The following RNF123 variants were observed in gnomAD, a reference collection of about 807,000 sequenced individuals.
RNF123 encodes the protein E3 ubiquitin-protein ligase RNF123.
RNF123 carries 86 observed loss-of-function variants against 168.5 expected under a neutral mutation model. That is an observed-to-expected ratio of 0.51 (90% CI 0.43 to 0.61). The LOEUF is 0.61. Among genes scored for constraint, RNF123 ranks in the 20% least tolerant of loss-of-function variants. RNF123 has a pLI of 0.00. For missense variants in RNF123, 1,419 were observed against 1,729.7 expected (o/e 0.82, Z 3.19); for synonymous variants, 666 against 689.1 (o/e 0.97, Z 0.52).
chr3:49,698,418 C>A, intron 7 of RNF123, 22 bp from the exon 8 acceptor site: 1 of 1,606,762 alleles, frequency 6.2e-7, no homozygotes, highest in Non-Finnish European at 8.5e-7. Context: ...CACCAGGGAC[C>A]TCATAGGCAT....
At chr3:49,694,852 ACTG>A (rs546752469) in intron 3 of RNF123, among the ~76,000 whole-genome samples, 2 of 150,518 alleles carry the variant, frequency 1.3e-5, no homozygotes, top group African/African-American at 2.4e-5. Context: ...AGATGGTCCT[ACTG>A]CTGCTGCTGC....
At position 49,706,680 on chromosome 3, in the gene RNF123, C is replaced by G. The variant is rs1007462468; in HGVS notation, c.2389-111C>G. On this transcript the variant is annotated intron_variant, in intron 25 of 38. Coordinates refer to ENST00000327697, the MANE Select transcript of RNF123 (RefSeq NM_022064.5). The stretch of plus-strand genomic sequence containing the variant: ...AAGGTTTTGAAAAATGGAGCCCAAT[C>G]CCTTGCCTGCTCCAGGCACTAGAGG... 13 of 897,094 alleles carry G rather than the reference C, an allele frequency of 1.4e-5. No individual in the cohort carries two copies. In the African/African-American group the frequency reaches 2.0e-4, roughly 14 times the overall value. The allele number at this position is 897,094 out of a possible 1,614,324, so 55.6% of individuals were successfully genotyped here. A position where few individuals can be genotyped will look rare whatever the true frequency, so the allele number is the denominator to read the frequency against.
rs561499874 is a variant in RNF123, at chr3:49,699,227, G to C, written c.764+122G>C. On this transcript the variant is annotated intron_variant, in intron 10 of 38. Coordinates refer to ENST00000327697, the MANE Select transcript of RNF123 (RefSeq NM_022064.5). This position sits in a 1 kb window ranked among gnomAD's most constrained non-coding sequence, Gnocchi z 4.8. ...AGGCCCTGGCTGCTGCAGAGTTAGT[G>C]GGGGGCCATGTAGAGTGTCGAAGAA... The C allele has an allele frequency of 3.5e-5, 48 of 1,355,434 alleles. No homozygotes were observed. Among genetic ancestry groups the C allele is most frequent in the Non-Finnish European group, 4.0e-6 (4 of 997,806 alleles). The allele number at this position is 1,355,434 out of a possible 1,614,324, so 84.0% of individuals were successfully genotyped here.
At chr3:49,718,657 A>G in intron 35 of RNF123, 1 of 1,612,818 alleles carries the variant, frequency 6.2e-7, no homozygotes, top group Non-Finnish European at 8.5e-7. Flanking sequence ...GCAGTTCTCA[A>G]AGACGCGGCT....
Position 49,712,571 on chromosome 3 carries a change from C to G in RNF123, c.2589C>G (p.Pro863=), listed in dbSNP as rs376634099. Residue 863 remains proline, a synonymous_variant, in exon 27 of 39, where the codon CCC becomes CCG. Transcript: ENST00000327697. ...DRTGSLFAFM[P]EFYLSVAINS... ...CAGGGTCTCTCTTTGCCTTCATGCC[C>G]GAGTTCTACCTGAGCGTGGCCATCA... 3 of 1,614,200 alleles carry G rather than the reference C, an allele frequency of 1.9e-6. No homozygotes were observed. The highest frequency in any genetic ancestry group is 2.5e-6 in the Non-Finnish European group (3 of 1,180,026).
chr3:49,698,985 G>A lies in RNF123; in HGVS notation c.644G>A (p.Gly215Asp). The A allele has an allele frequency of 6.2e-7, 1 of 1,613,958 alleles. No individual in the cohort carries two copies. Among genetic ancestry groups the A allele is most frequent in the Non-Finnish European group, 8.5e-7 (1 of 1,179,990 alleles). The change falls in exon 10 of 39, where the codon GGT (glycine) becomes GAT (aspartate). Residue 215 changes from glycine to aspartate, a missense_variant. Gly to Asp is a moderately conservative substitution (Grantham distance 94). Around this residue, in one of 5 missense-constraint regions of RNF123, gnomAD observed 318 missense variants for 446.6 expected, o/e 0.71. Coordinates refer to ENST00000327697, the MANE Select transcript of RNF123 (RefSeq NM_022064.5). ...DDGTLSFCLN[G>D]VSLGTAFENL... ...AGACCCACCCTTCTCCCCAGGAACG[G>A]TGTATCACTGGGCACTGCCTTTGAG...
chr3:49,700,563 A>G lies in RNF123; in HGVS notation c.1202A>G (p.Gln401Arg). 1 of 1,614,156 alleles carries G rather than the reference A, an allele frequency of 6.2e-7. No individual in the cohort carries two copies. The highest frequency in any genetic ancestry group is 8.5e-7 in the Non-Finnish European group (1 of 1,180,012). Residue 401 changes from glutamine (Q) to arginine (R), a missense_variant and splice_region_variant, in exon 14 of 39, where the codon CAG becomes CGG. By Grantham distance (43) the Gln-to-Arg change is conservative. Around this residue, in one of 5 missense-constraint regions of RNF123, gnomAD observed 349 missense variants for 344.9 expected, o/e 1.01. Transcript: ENST00000327697. ...CCCATTGTCCCAGACCTGGGCCTAC[A>G]GGTGGGAGCCCCTACCCCTGCCCTG... ...FSPIVPDLGL[Q>R]IHYLRLTIAI... is the part of the protein sequence containing the mutation.
intron 3 of RNF123, among the ~76,000 whole-genome samples, chr3:49,695,739 G>A (rs1182913156): frequency 6.6e-6 from 1 of 152,216 alleles, no homozygotes; most frequent in Non-Finnish European, 1.5e-5. Flanking sequence ...AAGAGCAGGT[G>A]GTGGCACCCT....
chr3:49,718,220 A>G (rs1197974468), intron 35 of RNF123: 15 of 1,611,944 alleles, frequency 9.3e-6, no homozygotes, highest in Non-Finnish European at 1.2e-5. Flanking sequence ...CAGCGGCGGC[A>G]GCGGCAGGCA....
intron 35 of RNF123, chr3:49,718,073 T>TG (rs1470946151): frequency 6.2e-7 from 1 of 1,613,606 alleles, no homozygotes; most frequent in Admixed American, 1.7e-5. Flanking sequence ...ACGCGGCCAT[T>TG]GAGGCCCCTC....
chr3:49,704,956 T>C lies in RNF123; in HGVS notation c.1960-28T>C, dbSNP rs751352531. 2.5e-6 allele frequency: 4 copies of C among 1,575,760 alleles called. No homozygotes were observed. The East Asian group carries it at 9.2e-5, about 36-fold the overall frequency. ...GGCCAAGGGAACCCTGAGCCAGCCC[T>C]GGTCCTGGCCGCCTTTCTTCACTGC... On this transcript the variant is annotated intron_variant, in intron 22 of 38. Coordinates refer to ENST00000327697, the MANE Select transcript of RNF123 (RefSeq NM_022064.5).
intron 21 of RNF123, 71 bp downstream of exon 21, chr3:49,703,599 T>TG: frequency 7.8e-7 from 1 of 1,277,032 alleles, no homozygotes. Context: ...CCTGCTCTGC[T>TG]GTGGATGCTG....
intron 21 of RNF123, among the ~76,000 whole-genome samples, chr3:49,704,177 G>T (rs1327867818): frequency 2.0e-5 from 3 of 152,138 alleles, no homozygotes; most frequent in Non-Finnish European, 4.4e-5. Flanking sequence ...GGCAGCGAAG[G>T]CGGGGTCAGT....
intron 27 of RNF123, 118 bp downstream of exon 27, chr3:49,712,774 G>T: frequency 8.4e-7 from 1 of 1,185,070 alleles, no homozygotes; most frequent in African/African-American, 1.5e-5. Flanking sequence ...GGGCGGGGAG[G>T]GGAGGAGCTT....
In RNF123 at chr3:49,703,297, C is replaced by T; in HGVS notation, c.1751-130C>T. The T allele has an allele frequency of 1.3e-5, 9 of 688,144 alleles. No individual in the cohort carries two copies. In the South Asian group the frequency reaches 1.6e-4, roughly 12 times the overall value. The allele number at this position is 688,144 out of a possible 1,614,324, so 42.6% of individuals were successfully genotyped here. A position where few individuals can be genotyped will look rare whatever the true frequency, so the allele number is the denominator to read the frequency against. On this transcript the variant is annotated intron_variant, in intron 20 of 38. Coordinates refer to ENST00000327697, the MANE Select transcript of RNF123 (RefSeq NM_022064.5). Reference sequence around the variant, plus strand: ...TTGGTCCAGGAGACAGTTTCTCTGTCTGCCTGGATGGGTGAGTGGCCAAAG... The same window carrying T: ...TTGGTCCAGGAGACAGTTTCTCTGTTTGCCTGGATGGGTGAGTGGCCAAAG...
chr3:49,697,827 CTTG>C, intron 5 of RNF123, 55 bp from the exon 6 acceptor site: 1 of 1,606,510 alleles, frequency 6.2e-7, no homozygotes. Flanking sequence ...GTCTTTTTCC[CTTG>C]GGGAGATGCT....
At chr3:49,713,056 T>G (rs1443042151) in intron 27 of RNF123, 1 of 636,898 alleles carries the variant, frequency 1.6e-6, no homozygotes, top group Non-Finnish European at 2.8e-6. Flanking sequence ...CAGCAGGGGG[T>G]GGACCCTGCT....
At position 49,699,987 on chromosome 3, in the gene RNF123, G is replaced by A. The variant is rs1391262295; in HGVS notation, c.984+215G>A. The A allele has an allele frequency of 1.5e-6, 1 of 683,550 alleles. No individual in the cohort carries two copies. Among genetic ancestry groups the A allele is most frequent in the African/African-American group, 1.8e-5 (1 of 55,478 alleles). The allele number at this position is 683,550 out of a possible 1,614,324, so 42.3% of individuals were successfully genotyped here. A position where few individuals can be genotyped will look rare whatever the true frequency, so the allele number is the denominator to read the frequency against. ...GCATCAGGGGATGTCCTGGAAAGAA[G>A]ACTGAAGGATAATAACATCCCAGGC... is the stretch of plus-strand genomic sequence containing the variant. On this transcript the variant is annotated intron_variant, in intron 12 of 38. Coordinates refer to ENST00000327697, the MANE Select transcript of RNF123 (RefSeq NM_022064.5). This position sits in a 1 kb window ranked among gnomAD's most constrained non-coding sequence, Gnocchi z 4.8.
Position 49,706,910 on chromosome 3 carries a change from T to A in RNF123, c.2496+12T>A. The A allele has an allele frequency of 6.2e-7, 1 of 1,611,106 alleles. No homozygotes were observed. The highest frequency in any genetic ancestry group is 8.5e-7 in the Non-Finnish European group (1 of 1,177,282). ...CTGTCTACTCCCAGGTGTGCTGGTA[T>A]TGCAGCTGCCCCTTCCCGACCTCAC... is the stretch of plus-strand genomic sequence containing the variant. On this transcript the variant is annotated intron_variant, in intron 26 of 38. Transcript: ENST00000327697.
Sources: gnomAD v4.1 joint callset for allele counts (sites outside exome capture counted in the v4.1 genomes callset) on GRCh38, gnomAD v4.1.1 for gene constraint, gnomAD v4.1.1 regional missense constraint, Gnocchi (gnomAD v3.1) non-coding constraint, MANE v1.5 for transcripts, NCBI Gene and HGNC (gene_info 2026-07-23, HGNC 2026-07-21) for gene names.